The following MAGI1 variants were observed in gnomAD, a reference collection of about 807,000 sequenced individuals.
The protein encoded by MAGI1 is membrane-associated guanylate kinase, WW and PDZ domain-containing protein 1.
Under a neutral mutation model 139.9 loss-of-function variants are expected in MAGI1, and 58 were observed. That is an observed-to-expected ratio of 0.41 (90% CI 0.34 to 0.52). The LOEUF (loss-of-function observed/expected upper bound fraction) is 0.52, where lower values mean the gene tolerates loss of function less well. Among genes scored for constraint, MAGI1 ranks in the 20% least tolerant of loss-of-function variants. MAGI1 has a pLI of 0.12. For synonymous variants in MAGI1, 812 were observed against 737.9 expected, an observed-to-expected ratio of 1.10 and a Z score of -1.63; for missense variants, 1,874 against 1,901.6, an observed-to-expected ratio of 0.99 and a Z score of 0.27.
chr3:65,488,740 G>A (rs1271573806), intron 3 of MAGI1, among the ~76,000 whole-genome samples: 1 of 151,604 alleles, frequency 6.6e-6, no homozygotes, highest in Non-Finnish European at 1.5e-5. Context: ...GTGTGATCTT[G>A]GCTCACTGCA....
chr3:65,675,677 A>G (rs2087145805), intron 1 of MAGI1, among the ~76,000 whole-genome samples: 1 of 152,238 alleles, frequency 6.6e-6, no homozygotes, highest in Non-Finnish European at 1.5e-5. Context: ...ACAGCGGCAC[A>G]TGTACCTCTA....
At chr3:65,752,500 C>T (rs1225437003) in intron 1 of MAGI1, among the ~76,000 whole-genome samples, 2 of 152,196 alleles carry the variant, frequency 1.3e-5, no homozygotes, top group Non-Finnish European at 2.9e-5. Context: ...TTGTTCTCCA[C>T]AAAACGTTAA....
chr3:65,587,479 CTTTTTTTTTTTT>C (rs755825684), intron 2 of MAGI1, among the ~76,000 whole-genome samples: 5 of 109,520 alleles, frequency 4.6e-5, no homozygotes, highest in Non-Finnish European at 7.3e-5. Flanking sequence ...TTACTTTTTT[CTTTTTTTTTTTT>C]TTTTTTTTTT....
intron 1 of MAGI1, among the ~76,000 whole-genome samples, chr3:65,704,372 T>C (rs990915852): frequency 2.0e-5 from 3 of 152,174 alleles, no homozygotes; most frequent in Non-Finnish European, 4.4e-5. Context: ...TCAACTGCCA[T>C]GTGAGGAGGG....
At chr3:65,842,214 C>G (rs952937422) in intron 1 of MAGI1, among the ~76,000 whole-genome samples, 2 of 152,092 alleles carry the variant, frequency 1.3e-5, no homozygotes, top group Admixed American at 6.6e-5. Flanking sequence ...TAAGAGATAA[C>G]AAACAATACC....
chr3:65,430,161 G>A lies in MAGI1; in HGVS notation c.1547-21C>T, dbSNP rs184433347. 5.7e-3 allele frequency: 9,205 copies of A among 1,605,380 alleles called. 50 individuals are homozygous for A. Among genetic ancestry groups the A allele is most frequent in the Middle Eastern group, 0.043 (259 of 5,994 alleles). On this transcript the variant is annotated intron_variant, in intron 11 of 22. Transcript: ENST00000402939. ...ATCCCCTGTAGAAGGCAAGAGTGTG[G>A]GGGTTAAGAAAACAGCACCCAGAAA... is the stretch of plus-strand genomic sequence containing the variant.
intron 1 of MAGI1, among the ~76,000 whole-genome samples, chr3:65,806,696 A>C (rs960450086): frequency 1.3e-5 from 2 of 152,208 alleles, no homozygotes; most frequent in Non-Finnish European, 2.9e-5. Context: ...CAATTTACTG[A>C]TACAAATGAA....
intron 1 of MAGI1, among the ~76,000 whole-genome samples, chr3:65,690,518 T>G (rs532338261): frequency 6.6e-6 from 1 of 152,148 alleles, no homozygotes; most frequent in Non-Finnish European, 1.5e-5. Context: ...GCTATGTCAC[T>G]CAGGCTGGAG....
intron 2 of MAGI1, among the ~76,000 whole-genome samples, chr3:65,529,939 T>G (rs2078564022): frequency 6.6e-6 from 1 of 152,196 alleles, no homozygotes; most frequent in African/African-American, 2.4e-5. Context: ...TAGCTGATCT[T>G]GACCCTCTCC....
In MAGI1 at chr3:65,429,817, A is replaced by G; in HGVS notation, c.1870T>C (p.Tyr624His). 6.2e-7 allele frequency: 1 copy of G among 1,613,986 alleles called. No individual in the cohort carries two copies. Among genetic ancestry groups the G allele is most frequent in the Non-Finnish European group, 8.5e-7 (1 of 1,179,952 alleles). ...GCCAAAGAAACAGTGTCATTAGGAT[A>G]ACCATGAGAACTATTTGAAGCCACG... The part of the protein sequence containing the change: ...ADVASNSSHG[Y>H]PNDTVSLASS... Residue 624 changes from tyrosine (Y) to histidine (H), a missense_variant, in exon 12 of 23, where the codon TAT becomes CAT. Physicochemically the swap from Tyr to His is moderately conservative, Grantham distance 83 (BLOSUM62 2). Around this residue, in one of 5 missense-constraint regions of MAGI1, gnomAD observed 482 missense variants for 509.6 expected, o/e 0.95. Transcript: ENST00000402939.
intron 5 of MAGI1, among the ~76,000 whole-genome samples, chr3:65,462,601 C>A (rs111275767): frequency 0.016 from 2,369 of 152,218 alleles, 71 homozygotes; most frequent in African/African-American, 0.054. Context: ...TGGCTACATG[C>A]TCTTTTTCTG....
chr3:65,727,144 C>A (rs1171909947), intron 1 of MAGI1, among the ~76,000 whole-genome samples: 1 of 152,078 alleles, frequency 6.6e-6, no homozygotes, highest in Non-Finnish European at 1.5e-5. Context: ...ATAGAAATTT[C>A]TTCACTGTAG....
intron 1 of MAGI1, among the ~76,000 whole-genome samples, chr3:65,705,650 C>A (rs1264511195): frequency 1.3e-5 from 2 of 152,188 alleles, no homozygotes; most frequent in Non-Finnish European, 2.9e-5. Context: ...TAAGTCATAA[C>A]AGATCTTGAA....
In MAGI1 at chr3:65,744,752, G is replaced by A. The variant is rs939586872; in HGVS notation, c.314-122664C>T. Among the ~76,000 whole-genome samples, 64 of 151,978 alleles carry A rather than the reference G, an allele frequency of 4.2e-4. 2 individuals carry two copies. Among genetic ancestry groups the A allele is most frequent in the South Asian group, 2.1e-4 (1 of 4,810 alleles). ...CGAAAGTATTAACAGTGAAATCTCCGAGGGGTGGGATTATGGACAACTTTG... is the reference window on the plus strand; with the variant it reads ...CGAAAGTATTAACAGTGAAATCTCCAAGGGGTGGGATTATGGACAACTTTG... On this transcript the variant is annotated intron_variant, in intron 1 of 22. Coordinates refer to ENST00000402939, the MANE Select transcript of MAGI1 (RefSeq NM_001033057.2).
In MAGI1 at chr3:65,995,145, G is replaced by A. The variant is rs540186434; in HGVS notation, c.313+42851C>T. On this transcript the variant is annotated intron_variant, in intron 1 of 22. Coordinates refer to ENST00000402939, the MANE Select transcript of MAGI1 (RefSeq NM_001033057.2). The stretch of plus-strand genomic sequence containing the variant: ...CCATACTGCAGGCTCTAGAAAACTC[G>A]GAAGGAACCGTGATCCTCTGATGAG... Among the ~76,000 whole-genome samples the A allele has an allele frequency of 1.6e-4, 25 of 152,276 alleles. No homozygotes were observed. In the South Asian group the frequency reaches 2.5e-3, roughly 15 times the overall value.
At chr3:65,879,142 T>A (rs896344836) in intron 1 of MAGI1, among the ~76,000 whole-genome samples, 1 of 152,056 alleles carries the variant, frequency 6.6e-6, no homozygotes, top group African/African-American at 2.4e-5. Flanking sequence ...CACAGCCTAA[T>A]TGGGAGTGAC....
At chr3:65,394,977 T>C (rs1405604997) in intron 13 of MAGI1, among the ~76,000 whole-genome samples, 8 of 152,214 alleles carry the variant, frequency 5.3e-5, no homozygotes, top group Non-Finnish European at 1.0e-4. Flanking sequence ...GTTAAAAGTA[T>C]ACTTTTAAGT....
intron 1 of MAGI1, among the ~76,000 whole-genome samples, chr3:65,641,443 C>T (rs2084981015): frequency 6.6e-6 from 1 of 152,130 alleles, no homozygotes; most frequent in African/African-American, 2.4e-5. Context: ...TTCTAATCTC[C>T]ACTAGTAATT....
intron 1 of MAGI1, among the ~76,000 whole-genome samples, chr3:65,882,194 G>A (rs1374233763): frequency 1.3e-5 from 2 of 152,128 alleles, no homozygotes; most frequent in African/African-American, 4.8e-5. Flanking sequence ...CCTTTGTGAG[G>A]CTCCTTGGGA....
Sources: allele counts gnomAD v4.1 joint callset (sites outside exome capture counted in the v4.1 genomes callset), GRCh38; gene constraint gnomAD v4.1.1; regional missense constraint gnomAD v4.1.1; transcripts MANE v1.5; gene names NCBI Gene and HGNC (gene_info 2026-07-23, HGNC 2026-07-21).